Variants in CNTNAP5 observed in about 807,000 individuals in gnomAD.
The protein encoded by CNTNAP5 is contactin-associated protein-like 5.
Under a neutral mutation model 150.2 loss-of-function variants are expected in CNTNAP5, and 72 were observed. That is an observed-to-expected ratio of 0.48 (90% CI 0.40 to 0.58). CNTNAP5 has a LOEUF of 0.58. Ranked by LOEUF, CNTNAP5 falls within the 20% of genes least tolerant of loss-of-function variation. The pLI is 0.00. For missense variants in CNTNAP5, 1,636 were observed against 1,626.2 expected (o/e 1.01, Z -0.10); for synonymous variants, 672 against 619.8 (o/e 1.08, Z -1.25).
chr2:124,402,235 G>C (rs1691442869), intron 3 of CNTNAP5, among the ~76,000 whole-genome samples: 1 of 152,184 alleles, frequency 6.6e-6, no homozygotes, highest in African/African-American at 2.4e-5. Flanking sequence ...AAAATGTCAA[G>C]TTGACCACTG....
intron 13 of CNTNAP5, among the ~76,000 whole-genome samples, chr2:124,716,472 G>A (rs1166248169): frequency 6.6e-6 from 1 of 151,758 alleles, no homozygotes; most frequent in African/African-American, 2.4e-5. Flanking sequence ...AATAGTACAA[G>A]CTATAACTTA....
chr2:124,884,259 A>G (rs1286815097), intron 21 of CNTNAP5, among the ~76,000 whole-genome samples: 1 of 151,766 alleles, frequency 6.6e-6, no homozygotes, highest in East Asian at 1.9e-4. Flanking sequence ...CTCTGTGTGT[A>G]TGTGTATGGG....
intron 1 of CNTNAP5, among the ~76,000 whole-genome samples, chr2:124,090,006 C>A (rs1682778044): frequency 6.6e-6 from 1 of 152,244 alleles, no homozygotes; most frequent in Non-Finnish European, 1.5e-5. Context: ...AGTGGGAAAG[C>A]ACTGAATCTT....
intron 21 of CNTNAP5, among the ~76,000 whole-genome samples, chr2:124,870,236 A>T (rs1213380570): frequency 6.6e-6 from 1 of 151,702 alleles, no homozygotes; most frequent in African/African-American, 2.4e-5. Flanking sequence ...ACAAGATAGA[A>T]ATTTTTTATC....
chr2:124,097,846 G>A (rs1335193804), intron 1 of CNTNAP5, among the ~76,000 whole-genome samples: 24 of 152,130 alleles, frequency 1.6e-4, no homozygotes, highest in Non-Finnish European at 1.5e-5. Flanking sequence ...GGCTAACACG[G>A]TGAAACCCCG....
intron 7 of CNTNAP5, among the ~76,000 whole-genome samples, chr2:124,480,687 T>C (rs138181573): frequency 9.0e-4 from 137 of 152,336 alleles, no homozygotes; most frequent in African/African-American, 3.0e-3. Context: ...GTATGCTCTG[T>C]GATAAATGAT....
At chr2:124,175,516 G>C (rs2104670978) in intron 1 of CNTNAP5, among the ~76,000 whole-genome samples, 1 of 152,198 alleles carries the variant, frequency 6.6e-6, no homozygotes, top group African/African-American at 2.4e-5. Context: ...ACGATACTTA[G>C]GTTTGGGGTA....
At chr2:124,415,409 G>A (rs530937309) in intron 3 of CNTNAP5, among the ~76,000 whole-genome samples, 3 of 152,318 alleles carry the variant, frequency 2.0e-5, no homozygotes, top group Non-Finnish European at 2.9e-5. Context: ...TAGCTAGCGG[G>A]TGTTTTGTGC....
chr2:124,516,280 T>C (rs1694715312), intron 8 of CNTNAP5, among the ~76,000 whole-genome samples: 1 of 152,166 alleles, frequency 6.6e-6, no homozygotes, highest in African/African-American at 2.4e-5. Context: ...ATTCATATAT[T>C]GCCTACTTTA....
At chr2:124,597,086 C>T (rs2104967444) in intron 11 of CNTNAP5, among the ~76,000 whole-genome samples, 1 of 150,924 alleles carries the variant, frequency 6.6e-6, no homozygotes, top group East Asian at 2.0e-4. Context: ...CAGCTCTTGA[C>T]TCTTTATCCA....
At chr2:124,315,154 T>G (rs1310399275) in intron 3 of CNTNAP5, among the ~76,000 whole-genome samples, 1 of 152,026 alleles carries the variant, frequency 6.6e-6, no homozygotes, top group Non-Finnish European at 1.5e-5. Flanking sequence ...GTAGAGACAG[T>G]CTTTCTATGT....
At chr2:124,087,838 C>G (rs1682728796) in intron 1 of CNTNAP5, among the ~76,000 whole-genome samples, 1 of 149,088 alleles carries the variant, frequency 6.7e-6, no homozygotes, top group Non-Finnish European at 1.5e-5. Context: ...GTTTTGTTTT[C>G]ATTATGGGTA....
intron 21 of CNTNAP5, among the ~76,000 whole-genome samples, chr2:124,894,985 T>C (rs1309544172): frequency 6.6e-6 from 1 of 151,542 alleles, no homozygotes; most frequent in Admixed American, 6.6e-5. Flanking sequence ...GCACTCACTG[T>C]CTTACATCCA....
intron 6 of CNTNAP5, among the ~76,000 whole-genome samples, chr2:124,456,346 G>T (rs966351826): frequency 6.6e-6 from 1 of 152,026 alleles, no homozygotes; most frequent in Non-Finnish European, 1.5e-5. Flanking sequence ...AAATACTTAG[G>T]AAGATACCTA....
rs553792319 is a variant in CNTNAP5, at chr2:124,859,236, C to A, written c.3218-6070C>A. On this transcript the variant is annotated intron_variant, in intron 19 of 23. Transcript: ENST00000682447. The stretch of plus-strand genomic sequence containing the variant: ...AGAAAAAAACAAACAACCCCATCAA[C>A]AAGTGGGCAAAGGATATGAACAGAC... Among the ~76,000 whole-genome samples the A allele has an allele frequency of 2.4e-4, 36 of 152,130 alleles. No homozygotes were observed. The South Asian group carries it at 6.5e-3, about 27-fold the overall frequency.
chr2:124,885,549 T>TCACACACACACACA (rs3980831), intron 21 of CNTNAP5, among the ~76,000 whole-genome samples: 22 of 145,368 alleles, frequency 1.5e-4, no homozygotes, highest in South Asian at 1.1e-3. Flanking sequence ...AACATTTTCA[T>TCACACACACACACA]CACACACACA....
intron 11 of CNTNAP5, among the ~76,000 whole-genome samples, chr2:124,578,959 G>A (rs753462512): frequency 2.4e-4 from 36 of 152,024 alleles, no homozygotes; most frequent in Middle Eastern, 3.4e-3. Flanking sequence ...GGAGTCTGTT[G>A]TGCACACTCA....
chr2:124,892,139 A>T (rs2104749103), intron 21 of CNTNAP5, among the ~76,000 whole-genome samples: 1 of 152,266 alleles, frequency 6.6e-6, no homozygotes, highest in Non-Finnish European at 1.5e-5. Context: ...ACCTCAAATG[A>T]AATAAACTCT....
intron 1 of CNTNAP5, among the ~76,000 whole-genome samples, chr2:124,100,045 G>A (rs1173442274): frequency 6.6e-6 from 1 of 151,494 alleles, no homozygotes; most frequent in Non-Finnish European, 1.5e-5. Context: ...CTGAGACTGG[G>A]TAATTTATAA....
Sources: gnomAD v4.1 joint callset for allele counts (sites outside exome capture counted in the v4.1 genomes callset) on GRCh38, gnomAD v4.1.1 for gene constraint, MANE v1.5 for transcripts, NCBI Gene and HGNC (gene_info 2026-07-23, HGNC 2026-07-21) for gene names.